Variants in KDM4A observed in about 807,000 individuals in gnomAD.
KDM4A encodes the protein lysine demethylase 4A, also known as lysine-specific demethylase 4A.
Under a neutral mutation model 127.1 loss-of-function variants are expected in KDM4A, and 23 were observed. The ratio of observed to expected loss-of-function variants is 0.18; its 90% CI spans 0.13 to 0.26. The LOEUF (loss-of-function observed/expected upper bound fraction) is 0.26. Among genes scored for constraint, KDM4A ranks in the 10% least tolerant of loss-of-function variants. The pLI, the probability that KDM4A is intolerant of heterozygous loss-of-function variation, is 1.00. For synonymous variants in KDM4A, 443 were observed against 466.5 expected, an observed-to-expected ratio of 0.95 and a Z score of 0.65; for missense variants, 890 against 1,329.1, an observed-to-expected ratio of 0.67 and a Z score of 5.14.
intron 11 of KDM4A, among the ~76,000 whole-genome samples, chr1:43,681,270 T>A (rs907863165): frequency 6.6e-6 from 1 of 152,288 alleles, no homozygotes; most frequent in African/African-American, 2.4e-5. Flanking sequence ...CTCTTTCTGG[T>A]ATTCCTCTTA....
At chr1:43,652,874 G>A (rs550082468) in intron 1 of KDM4A, among the ~76,000 whole-genome samples, 3 of 151,732 alleles carry the variant, frequency 2.0e-5, no homozygotes, top group Non-Finnish European at 4.4e-5. Context: ...AGTAGAGACA[G>A]GGTTTCACTG....
chr1:43,690,767 T>G, intron 13 of KDM4A, 78 bp from the exon 14 acceptor site: 1 of 1,344,282 alleles, frequency 7.4e-7, no homozygotes, highest in Non-Finnish European at 1.1e-6. Context: ...AGAGCCAGCT[T>G]TCTGCTGATA....
At chr1:43,657,945 A>G (rs1429126915) in intron 3 of KDM4A, among the ~76,000 whole-genome samples, 1 of 151,286 alleles carries the variant, frequency 6.6e-6, no homozygotes, top group Non-Finnish European at 1.5e-5. Flanking sequence ...GGGTTTCACC[A>G]TATTGGCCAG....
At position 43,693,464 on chromosome 1, in the gene KDM4A, T is replaced by A. The variant is rs1661170085; in HGVS notation, c.2376-530T>A. Among the ~76,000 whole-genome samples, 1 of 152,074 alleles carries A rather than the reference T, an allele frequency of 6.6e-6. No homozygotes were observed. The highest frequency in any genetic ancestry group is 1.5e-5 in the Non-Finnish European group (1 of 68,014). On this transcript the variant is annotated intron_variant, in intron 16 of 21. Transcript: ENST00000372396. The surrounding 1 kb of genome is among the most constrained non-coding windows in gnomAD (Gnocchi z 4.2). ...TGTCCGTTGAATAGACCTCTCAGAG[T>A]AAGTGGGGCTTGGGTCAGACCTTAA...
At position 43,688,446 on chromosome 1, in the gene KDM4A, T is replaced by C. The variant is rs1661038066; in HGVS notation, c.1856-468T>C. Among the ~76,000 whole-genome samples, 1 of 151,968 alleles carries C rather than the reference T, an allele frequency of 6.6e-6. No homozygotes were observed. The highest frequency in any genetic ancestry group is 1.9e-4 in the East Asian group (1 of 5,198). On this transcript the variant is annotated intron_variant, in intron 12 of 21. Coordinates refer to ENST00000372396, the MANE Select transcript of KDM4A (RefSeq NM_014663.3). This position sits in a 1 kb window ranked among gnomAD's most constrained non-coding sequence, Gnocchi z 4.4. ...GCCAAGGACCATGATATTACAACTT[T>C]TAAGCTTTGCCAATTCCCTGTTATT...
At chr1:43,663,622 C>A (rs1369837628) in intron 5 of KDM4A, among the ~76,000 whole-genome samples, 3 of 139,448 alleles carry the variant, frequency 2.2e-5, no homozygotes, top group Non-Finnish European at 4.5e-5. Context: ...TGAGTCTCAG[C>A]ATTTTTTTTT....
Position 43,671,712 on chromosome 1 carries a change from A to C in KDM4A, c.1571A>C (p.Asp524Ala). Residue 524 changes from aspartate (D) to alanine (A), a missense_variant, in exon 11 of 22, where the codon GAT (aspartate) becomes GCT (alanine). Asp to Ala is a moderately radical substitution (Grantham distance 126, BLOSUM62 -2). Coordinates refer to ENST00000372396, the MANE Select transcript of KDM4A (RefSeq NM_014663.3). ...SGSSRDSISS[D>A]SETSEPLSCR... ...TCTTCACGGGATTCTATCTCTTCTG[A>C]TTCAGAAACTAGTGAGCCTCTCTCC... is the stretch of plus-strand genomic sequence containing the variant. 2 of 1,613,688 alleles carry C rather than the reference A, an allele frequency of 1.2e-6. No homozygotes were observed. Among genetic ancestry groups the C allele is most frequent in the Non-Finnish European group, 1.7e-6 (2 of 1,179,838 alleles).
chr1:43,673,390 C>T (rs1008984179), intron 11 of KDM4A, among the ~76,000 whole-genome samples: 1 of 152,196 alleles, frequency 6.6e-6, no homozygotes. Flanking sequence ...GTGTACTCAT[C>T]ATATATATGA....
At chr1:43,700,295 A>G (rs1661355832) in intron 19 of KDM4A, among the ~76,000 whole-genome samples, 1 of 150,658 alleles carries the variant, frequency 6.6e-6, no homozygotes. Context: ...CGCCCAGCTA[A>G]TTTTTTAATT....
intron 11 of KDM4A, among the ~76,000 whole-genome samples, chr1:43,672,518 G>A (rs1245672327): frequency 3.7e-5 from 5 of 134,368 alleles, no homozygotes; most frequent in African/African-American, 1.1e-4. Context: ...TTTTTGAGAC[G>A]GGGTCTCGCT....
chr1:43,681,037 T>C (rs1304220200), intron 11 of KDM4A, among the ~76,000 whole-genome samples: 2 of 151,922 alleles, frequency 1.3e-5, no homozygotes, highest in African/African-American at 4.8e-5. Context: ...CTAGAGGAAA[T>C]TTCCTTCTCA....
chr1:43,685,448 C>T (rs1225033402), intron 12 of KDM4A, among the ~76,000 whole-genome samples: 1 of 151,396 alleles, frequency 6.6e-6, no homozygotes, highest in African/African-American at 2.4e-5. Context: ...AGTGCCCCAT[C>T]TCTGCTGTTT....
At chr1:43,669,394 C>T (rs989794286) in intron 10 of KDM4A, 95 bp downstream of exon 10, 65 of 1,243,464 alleles carry the variant, frequency 5.2e-5, no homozygotes, top group South Asian at 1.2e-4. Flanking sequence ...ATAAAAAAGG[C>T]AGAGTGACAG....
At position 43,688,860 on chromosome 1, in the gene KDM4A, G is replaced by C; in HGVS notation, c.1856-54G>C. 6.5e-7 allele frequency: 1 copy of C among 1,531,950 alleles called. No individual in the cohort carries two copies. Among genetic ancestry groups the C allele is most frequent in the Non-Finnish European group, 9.0e-7 (1 of 1,115,860 alleles). 94.9% of individuals were successfully genotyped at this position (1,531,950 alleles called of 1,614,324 possible). A position where few individuals can be genotyped will look rare whatever the true frequency, so the allele number is the denominator to read the frequency against. ...GTGGAACTCATCTGTTCTCCAGGCA[G>C]AGCCACAGATGTGCAGGGTTAGTGC... On this transcript the variant is annotated intron_variant, in intron 12 of 21. Coordinates refer to ENST00000372396, the MANE Select transcript of KDM4A (RefSeq NM_014663.3). The surrounding 1 kb of genome is among the most constrained non-coding windows in gnomAD (Gnocchi z 4.4).
At chr1:43,654,239 G>A (rs1450296899) in intron 2 of KDM4A, among the ~76,000 whole-genome samples, 4 of 152,116 alleles carry the variant, frequency 2.6e-5, no homozygotes, top group Admixed American at 6.6e-5. Flanking sequence ...AAAAAATGTC[G>A]GTTATTACAA....
At chr1:43,703,444 G>C in intron 19 of KDM4A, 173 bp from the exon 20 acceptor site, 1 of 679,006 alleles carries the variant, frequency 1.5e-6, no homozygotes, top group Non-Finnish European at 2.4e-6. Flanking sequence ...CAGAGATAGG[G>C]GCAGACTTTG....
At chr1:43,652,989 A>G (rs924186979) in intron 1 of KDM4A, 148 bp from the exon 2 acceptor site, 30 of 418,660 alleles carry the variant, frequency 7.2e-5, no homozygotes, top group African/African-American at 5.8e-4. Flanking sequence ...CGGCCCCTAA[A>G]TAACTTTTCT....
At chr1:43,673,241 G>T (rs948917607) in intron 11 of KDM4A, among the ~76,000 whole-genome samples, 4 of 152,114 alleles carry the variant, frequency 2.6e-5, no homozygotes, top group African/African-American at 7.2e-5. Context: ...TTGGTGAGGG[G>T]TGGGAGATAG....
intron 2 of KDM4A, among the ~76,000 whole-genome samples, chr1:43,654,825 A>G (rs1048117225): frequency 6.7e-6 from 1 of 149,550 alleles, no homozygotes; most frequent in Admixed American, 6.7e-5. Flanking sequence ...AAGCAGATCT[A>G]TCTTACTTAA....
Sources: allele counts gnomAD v4.1 joint callset (sites outside exome capture counted in the v4.1 genomes callset), GRCh38; gene constraint gnomAD v4.1.1; non-coding constraint Gnocchi (gnomAD v3.1); transcripts MANE v1.5; gene names NCBI Gene and HGNC (gene_info 2026-07-23, HGNC 2026-07-21).